The following PTPRT variants were observed in gnomAD, a reference collection of about 807,000 sequenced individuals.
PTPRT encodes receptor-type tyrosine-protein phosphatase T.
A neutral mutation model predicts 176.8 loss-of-function variants in PTPRT; 56 were observed. The ratio of observed to expected loss-of-function variants is 0.32; its 90% confidence interval spans 0.26 to 0.40. The LOEUF (loss-of-function observed/expected upper bound fraction) is 0.40. Among genes scored for constraint, PTPRT ranks in the 10% least tolerant of loss-of-function variants. The pLI, the probability that PTPRT is intolerant of heterozygous loss-of-function variation, is 1.00. For missense variants in PTPRT, 1,540 were observed against 1,908.2 expected (o/e 0.81, Z 3.60); for synonymous variants, 783 against 739.0 (o/e 1.06, Z -0.96).
Position 42,178,061 on chromosome 20 carries a change from C to A in PTPRT, c.2492-16519G>T, listed in dbSNP as rs1600637326. On this transcript the variant is annotated intron_variant, in intron 16 of 30. Coordinates refer to ENST00000373187, the MANE Select transcript of PTPRT (RefSeq NM_007050.6). ...CAAGCGACTCTCCTGCCTCAGCCTC[C>A]CAAGTAGCTGGGATAACAGGCACCT... Among the ~76,000 whole-genome samples the A allele has an allele frequency of 2.6e-5, 4 of 152,074 alleles. No individual in the cohort carries two copies. The South Asian group carries it at 8.3e-4, about 32-fold the overall frequency.
At chr20:42,125,626 C>G (rs1030230391) in intron 19 of PTPRT, among the ~76,000 whole-genome samples, 1 of 152,194 alleles carries the variant, frequency 6.6e-6, no homozygotes, top group East Asian at 1.9e-4. Flanking sequence ...GGTTTCCTGT[C>G]TTTAAAGGCT....
At chr20:42,440,960 A>G (rs921439384) in intron 9 of PTPRT, among the ~76,000 whole-genome samples, 4 of 152,190 alleles carry the variant, frequency 2.6e-5, no homozygotes, top group African/African-American at 7.2e-5. Flanking sequence ...AAGCTCCCCT[A>G]TGTTATGGGG....
intron 1 of PTPRT, among the ~76,000 whole-genome samples, chr20:42,913,844 G>T (rs1457847847): frequency 6.6e-6 from 1 of 152,172 alleles, no homozygotes. Context: ...GTGTTGGGTT[G>T]CTTGCTAATT....
At chr20:42,823,613 T>C (rs565349596) in intron 2 of PTPRT, among the ~76,000 whole-genome samples, 1 of 152,142 alleles carries the variant, frequency 6.6e-6, no homozygotes, top group Non-Finnish European at 1.5e-5. Context: ...GAATACTCTA[T>C]TAGAATAACA....
intron 15 of PTPRT, among the ~76,000 whole-genome samples, chr20:42,217,306 GGGAGGTT>G (rs1382914415): frequency 2.0e-5 from 3 of 150,074 alleles, no homozygotes; most frequent in African/African-American, 7.4e-5. Flanking sequence ...CTGAGAGGCG[GGGAGGTT>G]GGAGTGAGCC....
intron 2 of PTPRT, among the ~76,000 whole-genome samples, chr20:42,846,878 G>T (rs1173312536): frequency 3.3e-5 from 5 of 152,176 alleles, no homozygotes. Flanking sequence ...AATGGAAGTA[G>T]GTACCCTAGT....
intron 7 of PTPRT, among the ~76,000 whole-genome samples, chr20:42,655,582 A>G (rs1004007312): frequency 1.3e-5 from 2 of 152,228 alleles, no homozygotes; most frequent in Admixed American, 6.5e-5. Flanking sequence ...TAGTGGCAGC[A>G]AAGACTCCTC....
chr20:43,110,556 A>G (rs1294234153), intron 1 of PTPRT, among the ~76,000 whole-genome samples: 1 of 152,230 alleles, frequency 6.6e-6, no homozygotes, highest in African/African-American at 2.4e-5. Flanking sequence ...TAAAGACGCT[A>G]TCCTATTTCT....
intron 1 of PTPRT, among the ~76,000 whole-genome samples, chr20:43,017,412 C>T (rs542490502): frequency 1.5e-3 from 226 of 152,174 alleles, no homozygotes; most frequent in Middle Eastern, 6.8e-3. Context: ...ATCTCCCTCC[C>T]TCCTCCGGCC....
At chr20:42,863,569 G>A (rs1389012152) in intron 2 of PTPRT, among the ~76,000 whole-genome samples, 1 of 152,194 alleles carries the variant, frequency 6.6e-6, no homozygotes, top group Admixed American at 6.5e-5. Context: ...TGATGAACAA[G>A]ATCCAACCCT....
At chr20:42,406,982 T>A (rs1408608236) in intron 9 of PTPRT, among the ~76,000 whole-genome samples, 1 of 152,214 alleles carries the variant, frequency 6.6e-6, no homozygotes, top group African/African-American at 2.4e-5. Flanking sequence ...ATCCACCTGC[T>A]CATCTCCTTT....
intron 29 of PTPRT, among the ~76,000 whole-genome samples, chr20:42,082,572 G>C (rs1385382294): frequency 6.6e-6 from 1 of 152,198 alleles, no homozygotes. Context: ...CTTGGAGGTA[G>C]GAACTTGGAG....
intron 6 of PTPRT, among the ~76,000 whole-genome samples, chr20:42,739,374 G>A (rs1395151888): frequency 2.0e-5 from 3 of 152,132 alleles, no homozygotes; most frequent in Non-Finnish European, 4.4e-5. Flanking sequence ...GAAGAGAGGA[G>A]GAAGAGGTAG....
At chr20:42,927,997 T>A (rs1263414811) in intron 1 of PTPRT, among the ~76,000 whole-genome samples, 4 of 152,228 alleles carry the variant, frequency 2.6e-5, no homozygotes, top group Admixed American at 6.5e-5. Flanking sequence ...TGCTATTGGC[T>A]GCTAAGCAGC....
At chr20:42,167,977 G>T (rs954884218) in intron 16 of PTPRT, among the ~76,000 whole-genome samples, 3 of 152,090 alleles carry the variant, frequency 2.0e-5, no homozygotes, top group Admixed American at 2.0e-4. Context: ...AACATAAACA[G>T]CTGATTAACA....
chr20:42,354,865 T>G (rs1293559312), intron 9 of PTPRT, among the ~76,000 whole-genome samples: 1 of 151,900 alleles, frequency 6.6e-6, no homozygotes, highest in African/African-American at 2.4e-5. Context: ...AGGAGAGAGG[T>G]CAGACGGTGC....
At chr20:42,846,988 C>T (rs2078384538) in intron 2 of PTPRT, among the ~76,000 whole-genome samples, 1 of 152,308 alleles carries the variant, frequency 6.6e-6, no homozygotes, top group African/African-American at 2.4e-5. Context: ...CCATTCTATG[C>T]CTGTGTTTTC....
At chr20:42,522,767 T>G (rs138324535) in intron 7 of PTPRT, among the ~76,000 whole-genome samples, 37 of 152,284 alleles carry the variant, frequency 2.4e-4, no homozygotes, top group African/African-American at 8.7e-4. Flanking sequence ...GGCTTTCTTT[T>G]TCTTGACACT....
At chr20:42,061,022 A>C in the PTPRT span, among the ~76,000 whole-genome samples, 1 of 152,214 alleles carries the variant, frequency 6.6e-6, no homozygotes. Context: ...TCAAATGGGG[A>C]TAATAATGGA....
Sources: allele counts gnomAD v4.1 joint callset (sites outside exome capture counted in the v4.1 genomes callset), GRCh38; gene constraint gnomAD v4.1.1; transcripts MANE v1.5; gene names NCBI Gene and HGNC (gene_info 2026-07-23, HGNC 2026-07-21).